Variants in NALF1 observed in about 807,000 individuals in gnomAD.
NALF1 encodes the protein family with sequence similarity 155 member A.
In NALF1, 3 loss-of-function variants were observed where a neutral mutation model predicts 48.4. That is an observed-to-expected ratio of 0.06 (90% confidence interval 0.03 to 0.16). The LOEUF (loss-of-function observed/expected upper bound fraction) is 0.16. Ranked by LOEUF, NALF1 falls within the 10% of genes least tolerant of loss-of-function variation. The pLI is 1.00. For synonymous variants in NALF1, 262 were observed against 245.7 expected (o/e 1.07, Z -0.62); for missense variants, 526 against 571.5 (o/e 0.92, Z 0.81).
At chr13:107,760,123 C>G (rs966540663) in intron 1 of NALF1, among the ~76,000 whole-genome samples, 1 of 152,174 alleles carries the variant, frequency 6.6e-6, no homozygotes, top group African/African-American at 2.4e-5. Context: ...GTTATGCCAG[C>G]CTTTGCTGTC....
intron 1 of NALF1, among the ~76,000 whole-genome samples, chr13:107,343,241 CAG>C (rs1882714360): frequency 1.3e-5 from 2 of 152,182 alleles, no homozygotes; most frequent in Middle Eastern, 3.4e-3. Context: ...AAATTTCCAA[CAG>C]TGTTAAAATT....
chr13:107,321,276 G>A (rs995267734), intron 1 of NALF1, among the ~76,000 whole-genome samples: 1 of 152,058 alleles, frequency 6.6e-6, no homozygotes, highest in Non-Finnish European at 1.5e-5. Flanking sequence ...AAGAGAACAG[G>A]CTGGCTAAAG....
At chr13:107,788,858 T>G (rs1401481477) in intron 1 of NALF1, 1 of 151,790 alleles carries the variant, frequency 6.6e-6, no homozygotes, top group Non-Finnish European at 1.5e-5. Context: ...CCGGAAAGCG[T>G]TTGTGGAAAA....
intron 1 of NALF1, among the ~76,000 whole-genome samples, chr13:107,733,861 T>G (rs1391660042): frequency 6.6e-6 from 1 of 152,084 alleles, no homozygotes; most frequent in Admixed American, 6.6e-5. Context: ...ATGCATTGCT[T>G]AAGAAGGAGG....
chr13:107,166,239 C>G lies in NALF1; in HGVS notation c.*4258G>C, dbSNP rs775909848. 1 of 152,032 alleles carries G rather than the reference C, an allele frequency of 6.6e-6. No individual in the cohort carries two copies. Among genetic ancestry groups the G allele is most frequent in the East Asian group, 1.9e-4 (1 of 5,166 alleles). 9.4% of individuals were successfully genotyped at this position (152,032 alleles called of 1,614,324 possible). A position where few individuals can be genotyped will look rare whatever the true frequency, so the allele number is the denominator to read the frequency against. On this transcript the variant is annotated 3_prime_UTR_variant, in exon 3 of 3. Transcript: ENST00000375915. ...TTCAAGACTAGCCTGGCCAACATGGCGACACCACGTCTCTACTAAAAATAC... is the reference window on the plus strand; with the variant it reads ...TTCAAGACTAGCCTGGCCAACATGGGGACACCACGTCTCTACTAAAAATAC...
chr13:107,251,694 T>C (rs1880704420), intron 1 of NALF1, among the ~76,000 whole-genome samples: 2 of 152,192 alleles, frequency 1.3e-5, no homozygotes, highest in African/African-American at 4.8e-5. Context: ...AAGTTAGCTA[T>C]GTCAGGAGGA....
At chr13:107,705,836 G>C (rs994034858) in intron 1 of NALF1, among the ~76,000 whole-genome samples, 4 of 151,778 alleles carry the variant, frequency 2.6e-5, no homozygotes, top group African/African-American at 9.7e-5. Context: ...GGGAGGTTTC[G>C]CTTTTATTTT....
At chr13:107,526,684 C>T (rs1876455902) in intron 1 of NALF1, among the ~76,000 whole-genome samples, 1 of 152,058 alleles carries the variant, frequency 6.6e-6, no homozygotes. Context: ...ATCAAAACAA[C>T]AGAAGATAAA....
intron 1 of NALF1, among the ~76,000 whole-genome samples, chr13:107,611,980 GAGA>G (rs1594159990): frequency 1.4e-5 from 2 of 143,868 alleles, no homozygotes; most frequent in East Asian, 4.3e-4. Context: ...AAGAAGAGAA[GAGA>G]AGAGGAGAGG....
chr13:107,224,079 T>G (rs1880051374), intron 1 of NALF1, among the ~76,000 whole-genome samples: 2 of 152,184 alleles, frequency 1.3e-5, no homozygotes, highest in African/African-American at 2.4e-5. Context: ...TTATTCATTA[T>G]TATTGAAAAC....
chr13:107,335,364 T>A (rs4141822), intron 1 of NALF1, among the ~76,000 whole-genome samples: 100,774 of 152,020 alleles, frequency 0.66, 33,766 homozygotes, highest in East Asian at 0.78. Flanking sequence ...ATCCCTCATA[T>A]TATCTGTACT....
chr13:107,274,858 G>A (rs1208406867), intron 1 of NALF1, among the ~76,000 whole-genome samples: 1 of 152,058 alleles, frequency 6.6e-6, no homozygotes, highest in African/African-American at 2.4e-5. Flanking sequence ...AATTTGTAGA[G>A]GTCTTACCTG....
rs1880716816 is a variant in NALF1, at chr13:107,866,280, A to T, written c.317T>A (p.Leu106His). 3.7e-6 allele frequency: 6 copies of T among 1,600,622 alleles called. No homozygotes were observed. The highest frequency in any genetic ancestry group is 5.1e-6 in the Non-Finnish European group (6 of 1,175,664). The change falls in exon 1 of 3, where the codon CTC becomes CAC. Residue 106 changes from leucine to histidine, a missense_variant. Transcript: ENST00000375915. This position sits in a 1 kb window ranked among gnomAD's most constrained non-coding sequence, Gnocchi z 4.4. ...RRQQEPSWPA[L>H]LASMGESSPA... ...CGAGGACTCCCCCATGCTCGCCAGG[A>T]GCGCGGGCCAGGAGGGCTCCTGCTG...
intron 1 of NALF1, among the ~76,000 whole-genome samples, chr13:107,438,839 A>AAAAAAAAAAAAAAAAAAAAAG: frequency 6.8e-6 from 1 of 147,310 alleles, no homozygotes; most frequent in Non-Finnish European, 1.5e-5. Flanking sequence ...AAAAAAAAAA[A>AAAAAAAAAAAAAAAAAAAAAG]AAAAAAAAAA....
chr13:107,747,005 T>G (rs1401776492), intron 1 of NALF1, among the ~76,000 whole-genome samples: 1 of 152,076 alleles, frequency 6.6e-6, no homozygotes, highest in African/African-American at 2.4e-5. Context: ...TTTTTAGACA[T>G]AGCCCCAAAA....
chr13:107,589,884 T>G (rs1182062756), intron 1 of NALF1, among the ~76,000 whole-genome samples: 1 of 151,822 alleles, frequency 6.6e-6, no homozygotes, highest in Admixed American at 6.6e-5. Context: ...CCAAACAGAT[T>G]GCACAGCTAG....
chr13:107,732,532 T>C (rs141817648), intron 1 of NALF1, among the ~76,000 whole-genome samples: 6,018 of 152,238 alleles, frequency 0.04, 292 homozygotes, highest in African/African-American at 0.11. Context: ...TCTATGCAAG[T>C]CCTAGGGCAG....
intron 1 of NALF1, among the ~76,000 whole-genome samples, chr13:107,695,980 T>A (rs1416989173): frequency 6.6e-6 from 1 of 151,058 alleles, no homozygotes; most frequent in Non-Finnish European, 1.5e-5. Context: ...CACTGCAACC[T>A]CTGCCTCCTG....
intron 1 of NALF1, among the ~76,000 whole-genome samples, chr13:107,450,786 A>G (rs1370802313): frequency 3.3e-5 from 5 of 152,198 alleles, no homozygotes; most frequent in Non-Finnish European, 7.3e-5. Flanking sequence ...TAATAGTTAT[A>G]AACAGATAAT....
Sources: gnomAD v4.1 joint callset for allele counts (sites outside exome capture counted in the v4.1 genomes callset) on GRCh38, gnomAD v4.1.1 for gene constraint, Gnocchi (gnomAD v3.1) non-coding constraint, MANE v1.5 for transcripts, NCBI Gene and HGNC (gene_info 2026-07-23, HGNC 2026-07-21) for gene names.